Variants in FAM13A observed in about 807,000 individuals in gnomAD.
FAM13A encodes the protein protein FAM13A.
A neutral mutation model predicts 129.6 loss-of-function variants in FAM13A; 76 were observed. The ratio of observed to expected loss-of-function variants is 0.59; its 90% CI spans 0.49 to 0.71. FAM13A has a LOEUF of 0.71. Among genes scored for constraint, FAM13A ranks in the 30% least tolerant of loss-of-function variants. FAM13A has a pLI of 0.00. For missense variants in FAM13A, 1,108 were observed against 1,249.3 expected (o/e 0.89, Z 1.70); for synonymous variants, 443 against 449.9 (o/e 0.98, Z 0.20).
At chr4:88,987,577 G>A (rs1579638614) in intron 4 of FAM13A, among the ~76,000 whole-genome samples, 2 of 152,006 alleles carry the variant, frequency 1.3e-5, no homozygotes, top group South Asian at 2.1e-4. Flanking sequence ...ATCTGAGGCT[G>A]GGCGCGGTGG....
At chr4:89,016,016 A>G (rs1256469095) in intron 3 of FAM13A, among the ~76,000 whole-genome samples, 1 of 152,154 alleles carries the variant, frequency 6.6e-6, no homozygotes, top group Non-Finnish European at 1.5e-5. Flanking sequence ...TCAGGCAGGT[A>G]CTACGGGAAG....
intron 7 of FAM13A, chr4:88,823,319 G>T: frequency 8.8e-7 from 1 of 1,131,628 alleles, no homozygotes; most frequent in Non-Finnish European, 1.1e-6. Flanking sequence ...CACTAAAGGC[G>T]CTCCTCCTCC....
chr4:88,876,970 T>G (rs1011560869), intron 6 of FAM13A, among the ~76,000 whole-genome samples: 2 of 152,184 alleles, frequency 1.3e-5, no homozygotes, highest in Admixed American at 1.3e-4. Flanking sequence ...GTGAGAACAC[T>G]GAGATTATGA....
intron 4 of FAM13A, among the ~76,000 whole-genome samples, chr4:88,958,638 C>T (rs766247756): frequency 4.6e-5 from 7 of 152,190 alleles, no homozygotes; most frequent in South Asian, 4.1e-4. Context: ...GGCAGAAGCC[C>T]GCTGCAGGGG....
At chr4:88,809,288 T>A (rs1729194469) in intron 7 of FAM13A, among the ~76,000 whole-genome samples, 1 of 152,136 alleles carries the variant, frequency 6.6e-6, no homozygotes, top group Non-Finnish European at 1.5e-5. Context: ...CCTTTTTAAC[T>A]CTCCAATTAC....
intron 14 of FAM13A, among the ~76,000 whole-genome samples, chr4:88,755,812 TACC>T (rs1284356758): frequency 6.6e-6 from 1 of 152,234 alleles, no homozygotes. Flanking sequence ...CTTTTAAAAA[TACC>T]ACCCATCTCC....
chr4:88,987,855 A>AAAAAAAAAAAAAAAC (rs1762454596), intron 4 of FAM13A, among the ~76,000 whole-genome samples: 1 of 150,096 alleles, frequency 6.7e-6, no homozygotes, highest in Non-Finnish European at 1.5e-5. Context: ...AAAAAAAAAA[A>AAAAAAAAAAAAAAAC]CTTAATCTGA....
chr4:88,987,262 A>G (rs1384958783), intron 4 of FAM13A, among the ~76,000 whole-genome samples: 2 of 152,190 alleles, frequency 1.3e-5, no homozygotes, highest in Admixed American at 6.5e-5. Context: ...TTAAAAATCA[A>G]CATTCTACAA....
At chr4:88,763,862 A>T (rs1235984320) in intron 13 of FAM13A, among the ~76,000 whole-genome samples, 2 of 152,212 alleles carry the variant, frequency 1.3e-5, no homozygotes, top group Non-Finnish European at 2.9e-5. Flanking sequence ...AATTTTCAAA[A>T]TCCATGTGAA....
At chr4:88,872,414 T>C (rs183663436) in intron 6 of FAM13A, among the ~76,000 whole-genome samples, 9 of 152,240 alleles carry the variant, frequency 5.9e-5, no homozygotes, top group Admixed American at 3.9e-4. Context: ...GAGACATACA[T>C]AGGCTCAAAA....
intron 4 of FAM13A, among the ~76,000 whole-genome samples, chr4:88,984,706 T>G (rs1331769115): frequency 6.6e-6 from 1 of 152,222 alleles, no homozygotes; most frequent in East Asian, 1.9e-4. Flanking sequence ...TCTTCATATA[T>G]TTTTGTCTTT....
intron 13 of FAM13A, among the ~76,000 whole-genome samples, chr4:88,762,672 G>A (rs1255746158): frequency 2.6e-5 from 4 of 152,014 alleles, no homozygotes; most frequent in Non-Finnish European, 5.9e-5. Flanking sequence ...CATAAAAACT[G>A]CTGTGCCTTC....
chr4:88,833,974 C>T (rs762699496), intron 7 of FAM13A, among the ~76,000 whole-genome samples: 16 of 151,928 alleles, frequency 1.1e-4, no homozygotes, highest in Middle Eastern at 3.4e-3. Context: ...TCACTGAGAC[C>T]TCCGTCTCCC....
At chr4:89,053,569 G>C (rs990436285) in intron 1 of FAM13A, among the ~76,000 whole-genome samples, 2 of 152,060 alleles carry the variant, frequency 1.3e-5, no homozygotes, top group East Asian at 1.9e-4. Flanking sequence ...GATGGTACCA[G>C]GCGGTAAGAC....
chr4:89,027,746 G>A (rs34624010), intron 2 of FAM13A, among the ~76,000 whole-genome samples: 29,764 of 152,042 alleles, frequency 0.2, 3,807 homozygotes, highest in Middle Eastern at 0.36. Context: ...CACAAGCACT[G>A]TGATACCACA....
intron 9 of FAM13A, among the ~76,000 whole-genome samples, chr4:88,789,499 C>A (rs1724667437): frequency 6.6e-6 from 1 of 152,100 alleles, no homozygotes; most frequent in Non-Finnish European, 1.5e-5. Context: ...CACTCATGTC[C>A]CAGCAAGTAA....
Position 88,781,306 on chromosome 4 carries a change from A to G in FAM13A, c.1317T>C (p.Leu439=), listed in dbSNP as rs201549671. 4.0e-5 allele frequency: 64 copies of G among 1,611,794 alleles called. No homozygotes were observed. The highest frequency in any genetic ancestry group is 5.4e-5 in the Non-Finnish European group (64 of 1,178,896). The change falls in exon 11 of 24, where the codon CTT becomes CTC. Residue 439 remains leucine (L), a synonymous_variant. Transcript: ENST00000264344. ...KENTPSGFNH[L]DDCILNTQEV... ...CCTGAGTATTCAAAATACAATCATC[A>G]AGGTGGTTGAACCCAGAAGGAGTAT...
intron 4 of FAM13A, among the ~76,000 whole-genome samples, chr4:88,946,056 G>T (rs1263617254): frequency 1.6e-5 from 2 of 128,838 alleles, no homozygotes; most frequent in Admixed American, 8.4e-5. Context: ...GCTTGCTCTG[G>T]CATGCCTGGA....
intron 7 of FAM13A, among the ~76,000 whole-genome samples, chr4:88,843,321 C>T (rs1258011768): frequency 1.3e-5 from 2 of 152,148 alleles, no homozygotes; most frequent in East Asian, 3.9e-4. Flanking sequence ...CTTTAGCTGC[C>T]CCCGCAGTCG....
Sources: allele counts gnomAD v4.1 joint callset (sites outside exome capture counted in the v4.1 genomes callset), GRCh38; gene constraint gnomAD v4.1.1; transcripts MANE v1.5; gene names NCBI Gene and HGNC (gene_info 2026-07-23, HGNC 2026-07-21).